Variants in SPTBN4 observed in about 807,000 individuals in gnomAD.
SPTBN4 encodes spectrin beta, non-erythrocytic 4.
A neutral mutation model predicts 277.8 loss-of-function variants in SPTBN4; 96 were observed. The ratio of observed to expected loss-of-function variants is 0.35; its 90% CI spans 0.29 to 0.41. The LOEUF (loss-of-function observed/expected upper bound fraction) is 0.41. SPTBN4 is among the 10% of genes least tolerant of loss of function. The pLI is 1.00. For missense variants in SPTBN4, 3,006 were observed against 3,595.7 expected (o/e 0.84, Z 4.19); for synonymous variants, 1,481 against 1,580.3 (o/e 0.94, Z 1.49).
intron 32 of SPTBN4, among the ~76,000 whole-genome samples, chr19:40,570,225 G>C (rs1348509291): frequency 6.6e-6 from 1 of 151,712 alleles, no homozygotes; most frequent in African/African-American, 2.4e-5. Flanking sequence ...ACCACCGAGA[G>C]AGATTCCAAA....
rs562911300 is a variant in SPTBN4 at position 40,533,449 on chromosome 19, C to A, written c.4096-631C>A. On this transcript the variant is annotated intron_variant, in intron 19 of 35. Coordinates refer to ENST00000598249, the MANE Select transcript of SPTBN4 (RefSeq NM_020971.3). ...ACTGAGGTAGATATTTGCTCTAAGC[C>A]TCAACCCTCAGAACTTCCCCCTCCT... Among the ~76,000 whole-genome samples, 5 of 152,212 alleles carry A rather than the reference C, an allele frequency of 3.3e-5. No individual in the cohort carries two copies. The South Asian group carries it at 8.3e-4, about 25-fold the overall frequency.
intron 20 of SPTBN4, among the ~76,000 whole-genome samples, chr19:40,546,414 G>A (rs2080861090): frequency 1.3e-5 from 2 of 151,778 alleles, no homozygotes; most frequent in South Asian, 2.1e-4. Context: ...TGTCATTCAT[G>A]TATGCATTGA....
chr19:40,571,283 A>G (rs1344390536), intron 33 of SPTBN4, among the ~76,000 whole-genome samples: 1 of 152,146 alleles, frequency 6.6e-6, no homozygotes, highest in African/African-American at 2.4e-5. Flanking sequence ...AAACGGGCAG[A>G]GCCCAAACTA....
chr19:40,538,042 T>C (rs1428206387), intron 20 of SPTBN4, among the ~76,000 whole-genome samples: 8 of 152,150 alleles, frequency 5.3e-5, no homozygotes, highest in Admixed American at 5.2e-4. Context: ...GGAAAAGTTA[T>C]TGGAACTTGG....
Position 40,476,896 on chromosome 19 carries a change from T to C in SPTBN4, c.169+4106T>C, listed in dbSNP as rs548507105. Among the ~76,000 whole-genome samples the C allele has an allele frequency of 8.6e-5, 13 of 151,740 alleles. No individual in the cohort carries two copies. In the East Asian group the frequency reaches 9.8e-4, roughly 11 times the overall value. The stretch of plus-strand genomic sequence containing the variant: ...GCCACCGCGCCCGTCCTGTTTTTAG[T>C]TTTTGTTTGTTTTTTGAGGAGGAGG... On this transcript the variant is annotated intron_variant, in intron 2 of 35. Coordinates refer to ENST00000598249, the MANE Select transcript of SPTBN4 (RefSeq NM_020971.3).
intron 3 of SPTBN4, among the ~76,000 whole-genome samples, chr19:40,488,064 T>C (rs2080092939): frequency 6.6e-6 from 1 of 151,794 alleles, no homozygotes; most frequent in Admixed American, 6.6e-5. Flanking sequence ...GGCGCGTGGC[T>C]GGAACCGAAG....
At chr19:40,551,840 A>C (rs546856792) in intron 22 of SPTBN4, among the ~76,000 whole-genome samples, 1 of 152,228 alleles carries the variant, frequency 6.6e-6, no homozygotes, top group Admixed American at 6.5e-5. Context: ...CCAGAAATAC[A>C]AAAATTAGCT....
intron 22 of SPTBN4, among the ~76,000 whole-genome samples, chr19:40,551,432 C>G (rs1003446755): frequency 6.6e-5 from 10 of 151,946 alleles, no homozygotes; most frequent in African/African-American, 2.4e-4. Context: ...TCCCCCAAAA[C>G]AAACAAACAA....
At chr19:40,489,322 G>C (rs1011525354) in intron 3 of SPTBN4, among the ~76,000 whole-genome samples, 4 of 152,088 alleles carry the variant, frequency 2.6e-5, no homozygotes, top group African/African-American at 9.7e-5. Context: ...GGCGGAGCTT[G>C]ATTGGGATGG....
intron 14 of SPTBN4, among the ~76,000 whole-genome samples, chr19:40,514,705 G>A (rs1189231413): frequency 1.3e-5 from 2 of 152,190 alleles, no homozygotes; most frequent in Non-Finnish European, 1.5e-5. Flanking sequence ...ATGAGTTCAG[G>A]GGCAAAGACC....
At chr19:40,468,206 T>G (rs1568747010) in intron 1 of SPTBN4, among the ~76,000 whole-genome samples, 1 of 152,060 alleles carries the variant, frequency 6.6e-6, no homozygotes, top group Non-Finnish European at 1.5e-5. Flanking sequence ...GCCTCCCAAG[T>G]AGCTGGGATT....
At position 40,502,903 on chromosome 19, in the gene SPTBN4, G is replaced by C. The variant is rs2080279965; in HGVS notation, c.1332G>C (p.Trp444Cys). The C allele has an allele frequency of 6.2e-7, 1 of 1,613,844 alleles. No homozygotes were observed. The highest frequency in any genetic ancestry group is 8.5e-7 in the Non-Finnish European group (1 of 1,179,996). The change falls in exon 11 of 36, where the codon TGG (tryptophan) becomes TGC (cysteine). Residue 444 changes from tryptophan to cysteine, a missense_variant. Trp to Cys is a radical substitution (Grantham distance 215). Transcript: ENST00000598249. The surrounding 1 kb of genome is among the most constrained non-coding windows in gnomAD (Gnocchi z 4.9). ...ACAAGGTGGCTATGAGGGAGAGCTGGCTGAATGAGAACCAGCGTCTGGTCT... is the reference window on the plus strand; with the variant it reads ...ACAAGGTGGCTATGAGGGAGAGCTGCCTGAATGAGAACCAGCGTCTGGTCT... ...FDHKVAMRES[W>C]LNENQRLVSQ...
intron 13 of SPTBN4, among the ~76,000 whole-genome samples, chr19:40,508,745 A>G (rs1456949260): frequency 6.6e-6 from 1 of 152,010 alleles, no homozygotes; most frequent in East Asian, 1.9e-4. Flanking sequence ...GGCTTGTGTT[A>G]GGTGATTTGG....
In SPTBN4 at chr19:40,575,543, C is replaced by T. The variant is rs1599831891; in HGVS notation, c.7669C>T (p.Arg2557Cys). The T allele has an allele frequency of 6.2e-7, 1 of 1,612,328 alleles. No homozygotes were observed. Among genetic ancestry groups the T allele is most frequent in the East Asian group, 2.2e-5 (1 of 44,870 alleles). The change falls in exon 36 of 36, where the codon CGC becomes TGC. Residue 2557 changes from arginine to cysteine, a missense_variant. Physicochemically the swap from Arg to Cys is radical, Grantham distance 180. This residue lies in a region of SPTBN4 where 630 missense variants were observed against 677.6 expected (regional missense o/e 0.93). Transcript: ENST00000598249. ...EGNPKREGGD[R>C]RASGRRK Reference sequence around the variant, plus strand: ...CAACCCTAAGAGGGAAGGCGGAGATCGCAGGGCCAGCGGGCGCAGGAAGTG... The same window carrying T: ...CAACCCTAAGAGGGAAGGCGGAGATTGCAGGGCCAGCGGGCGCAGGAAGTG...
intron 16 of SPTBN4, among the ~76,000 whole-genome samples, chr19:40,520,370 C>T (rs2080513387): frequency 6.6e-6 from 1 of 152,108 alleles, no homozygotes; most frequent in African/African-American, 2.4e-5. Context: ...GGAGTATCAT[C>T]AGTGGGGTAG....
At position 40,562,776 on chromosome 19, in the gene SPTBN4, G is replaced by A. The variant is rs549109231; in HGVS notation, c.5915+2373G>A. On this transcript the variant is annotated intron_variant, in intron 27 of 35. Transcript: ENST00000598249. ...TTGAACCCAGGAGGCGGAGGTTGCG[G>A]TGAGCCAAGATTGTGCCATTGCACT... Among the ~76,000 whole-genome samples, 12 of 152,036 alleles carry A rather than the reference G, an allele frequency of 7.9e-5. No homozygotes were observed. The East Asian group carries it at 1.9e-3, about 24-fold the overall frequency.
rs995700618 is a variant in SPTBN4 at position 40,519,022 on chromosome 19, A to T, written c.2904-379A>T. 6.6e-6 allele frequency among the ~76,000 whole-genome samples: 1 copy of T among 152,132 alleles called. No individual in the cohort carries two copies. Among genetic ancestry groups the T allele is most frequent in the African/African-American group, 2.4e-5 (1 of 41,416 alleles). Reference sequence around the variant, plus strand: ...GTGGCATTGTTTCGTACCTTTGCAAATCTCTTTAAAGTCTGGTTTAAGAGA... The same window carrying T: ...GTGGCATTGTTTCGTACCTTTGCAATTCTCTTTAAAGTCTGGTTTAAGAGA... On this transcript the variant is annotated intron_variant, in intron 15 of 35. Coordinates refer to ENST00000598249, the MANE Select transcript of SPTBN4 (RefSeq NM_020971.3). The surrounding 1 kb of genome is among the most constrained non-coding windows in gnomAD (Gnocchi z 5.7).
At chr19:40,473,867 C>T (rs182341953) in intron 2 of SPTBN4, among the ~76,000 whole-genome samples, 7 of 151,710 alleles carry the variant, frequency 4.6e-5, no homozygotes, top group East Asian at 2.0e-4. Context: ...TCTGGCCTGG[C>T]GCGGTGGCTC....
intron 17 of SPTBN4, among the ~76,000 whole-genome samples, chr19:40,525,269 A>C (rs1488784559): frequency 2.7e-5 from 4 of 150,828 alleles, no homozygotes; most frequent in Admixed American, 2.6e-4. Context: ...ATGCAAACTC[A>C]TCATTTAGTG....
Sources: gnomAD v4.1 joint callset for allele counts (sites outside exome capture counted in the v4.1 genomes callset) on GRCh38, gnomAD v4.1.1 for gene constraint, gnomAD v4.1.1 regional missense constraint, Gnocchi (gnomAD v3.1) non-coding constraint, MANE v1.5 for transcripts, NCBI Gene and HGNC (gene_info 2026-07-23, HGNC 2026-07-21) for gene names.